NR6A1: variants seen among roughly 807,000 people sequenced by gnomAD.
NR6A1 encodes retinoic acid receptor-related testis-associated receptor.
A neutral mutation model predicts 59.1 loss-of-function variants in NR6A1; 7 were observed. That is an observed-to-expected ratio of 0.12 (90% CI 0.07 to 0.22). The LOEUF (loss-of-function observed/expected upper bound fraction) is 0.22, where lower values mean the gene tolerates loss of function less well. NR6A1 is among the 10% of genes least tolerant of loss of function. The pLI is 1.00. For synonymous variants in NR6A1, 243 were observed against 236.1 expected (o/e 1.03, Z -0.27); for missense variants, 468 against 611.6 (o/e 0.77, Z 2.48).
At chr9:124,740,615 T>C (rs1287163946) in intron 1 of NR6A1, among the ~76,000 whole-genome samples, 1 of 152,216 alleles carries the variant, frequency 6.6e-6, no homozygotes, top group African/African-American at 2.4e-5. Flanking sequence ...TCAGGACCAC[T>C]AGAACCTGAA....
rs1457702777 is a variant in NR6A1, at chr9:124,522,248, A to C, written c.*457T>G. ...AAGGCAATTTGCTCTCTGACAGACAAATGTATGAGTCTGCTGAGAAAATGT... is the reference window on the plus strand; with the variant it reads ...AAGGCAATTTGCTCTCTGACAGACACATGTATGAGTCTGCTGAGAAAATGT... On this transcript the variant is annotated 3_prime_UTR_variant, in exon 10 of 10. Transcript: ENST00000487099. 1 of 155,502 alleles carries C rather than the reference A, an allele frequency of 6.4e-6. No individual in the cohort carries two copies. The highest frequency in any genetic ancestry group is 1.4e-5 in the Non-Finnish European group (1 of 69,814). The allele number at this position is 155,502 out of a possible 1,614,324, so 9.6% of individuals were successfully genotyped here. A position where few individuals can be genotyped will look rare whatever the true frequency, so the allele number is the denominator to read the frequency against.
chr9:124,593,739 G>A (rs890994907), intron 2 of NR6A1, among the ~76,000 whole-genome samples: 6 of 152,168 alleles, frequency 3.9e-5, no homozygotes, highest in Non-Finnish European at 5.9e-5. Flanking sequence ...GCCAGGCAGG[G>A]GCTGTGCACA....
chr9:124,578,423 T>C (rs1834670123), intron 2 of NR6A1, among the ~76,000 whole-genome samples: 6 of 152,238 alleles, frequency 3.9e-5, no homozygotes, highest in Admixed American at 3.9e-4. Flanking sequence ...AGTTGTATCT[T>C]AGTAAATAAA....
intron 2 of NR6A1, among the ~76,000 whole-genome samples, chr9:124,668,086 G>A (rs1837680002): frequency 6.6e-6 from 1 of 152,068 alleles, no homozygotes; most frequent in Non-Finnish European, 1.5e-5. Flanking sequence ...GCCTACTGTT[G>A]ACCAGAAGCC....
At chr9:124,605,345 A>G (rs1588703892) in intron 2 of NR6A1, among the ~76,000 whole-genome samples, 1 of 152,322 alleles carries the variant, frequency 6.6e-6, no homozygotes, top group East Asian at 1.9e-4. Flanking sequence ...AGTGAGATCC[A>G]TCTTTACAAA....
intron 8 of NR6A1, among the ~76,000 whole-genome samples, chr9:124,526,073 G>A (rs989858429): frequency 2.0e-5 from 3 of 152,184 alleles, no homozygotes; most frequent in Admixed American, 1.3e-4. Context: ...GACACAGGAC[G>A]AGGGCACTTG....
chr9:124,770,989 C>A (rs1326549611), intron 1 of NR6A1, 31 bp downstream of exon 1: 8 of 1,177,610 alleles, frequency 6.8e-6, no homozygotes, highest in Non-Finnish European at 8.5e-6. Flanking sequence ...CGGTTCCTGC[C>A]TGGCCCGGGC....
chr9:124,771,242 T>G lies in NR6A1; in HGVS notation c.-123A>C. 1 of 494,206 alleles carries G rather than the reference T, an allele frequency of 2.0e-6. No homozygotes were observed. Among genetic ancestry groups the G allele is most frequent in the Non-Finnish European group, 3.2e-6 (1 of 314,654 alleles). The allele number at this position is 494,206 out of a possible 1,614,324, so 30.6% of individuals were successfully genotyped here. ...GAGCCCGCGAGCTCCCGGCCGCGGC[T>G]CTCTCTGGGCCCCGAGCCGCCCGGC... On this transcript the variant is annotated 5_prime_UTR_variant, in exon 1 of 10. Coordinates refer to ENST00000487099, the MANE Select transcript of NR6A1 (RefSeq NM_033334.4).
intron 4 of NR6A1, among the ~76,000 whole-genome samples, chr9:124,542,763 G>A (rs1441873832): frequency 6.6e-6 from 1 of 151,910 alleles, no homozygotes; most frequent in Non-Finnish European, 1.5e-5. Context: ...TTGCTATGTC[G>A]CCCAGGCTCG....
Position 124,743,604 on chromosome 9 carries a change from C to G in NR6A1, c.101-10255G>C, listed in dbSNP as rs115701354. Among the ~76,000 whole-genome samples the G allele has an allele frequency of 4.6e-3, 707 of 152,326 alleles. 6 individuals are homozygous for G. The highest frequency in any genetic ancestry group is 0.016 in the African/African-American group (661 of 41,568). On this transcript the variant is annotated intron_variant, in intron 1 of 9. Transcript: ENST00000487099. Reference sequence around the variant, plus strand: ...ACCTTTCATATAGTTTTTCCGGCTTCTAGCTTTGCAATTACAGCCTTGAAA... The same window carrying G: ...ACCTTTCATATAGTTTTTCCGGCTTGTAGCTTTGCAATTACAGCCTTGAAA...
intron 7 of NR6A1, 51 bp from the exon 8 acceptor site, chr9:124,526,951 C>A: frequency 6.2e-7 from 1 of 1,606,766 alleles, no homozygotes; most frequent in Non-Finnish European, 8.5e-7. Context: ...CAGTAGGGGC[C>A]AGGAAAGGGC....
intron 2 of NR6A1, among the ~76,000 whole-genome samples, chr9:124,582,533 G>GT (rs1258674027): frequency 6.6e-6 from 1 of 151,798 alleles, no homozygotes; most frequent in Admixed American, 6.6e-5. Flanking sequence ...ATTTACCTAT[G>GT]TAACAAACCA....
chr9:124,720,928 T>C (rs1006388143), intron 2 of NR6A1, among the ~76,000 whole-genome samples: 26 of 152,198 alleles, frequency 1.7e-4, no homozygotes, highest in African/African-American at 5.8e-4. Context: ...TTCCCATGTA[T>C]TCCCTTGTTA....
chr9:124,638,219 G>A (rs1045728121), intron 2 of NR6A1, among the ~76,000 whole-genome samples: 4 of 151,644 alleles, frequency 2.6e-5, no homozygotes, highest in Non-Finnish European at 5.9e-5. Flanking sequence ...TCACACCACT[G>A]CACTCCAACC....
rs1357928504 is a variant in NR6A1 at position 124,518,120 on chromosome 9, A to C, written c.*4585T>G. ...CAACTTTTGTTCTTGGGCTTGGAGC[A>C]GGCTCTGACCTTACTCACCGCCTCC... On this transcript the variant is annotated 3_prime_UTR_variant, in exon 10 of 10. Transcript: ENST00000487099. The C allele has an allele frequency of 6.6e-6, 1 of 150,490 alleles. No homozygotes were observed. The highest frequency in any genetic ancestry group is 3.2e-3 in the Middle Eastern group (1 of 316). The allele number at this position is 150,490 out of a possible 1,614,324, so 9.3% of individuals were successfully genotyped here.
intron 2 of NR6A1, among the ~76,000 whole-genome samples, chr9:124,730,941 A>G (rs1839866632): frequency 6.6e-6 from 1 of 152,220 alleles, no homozygotes; most frequent in Non-Finnish European, 1.5e-5. Flanking sequence ...TAGAGTCTAG[A>G]GAACTGGGTG....
intron 2 of NR6A1, among the ~76,000 whole-genome samples, chr9:124,718,785 T>C (rs553375125): frequency 2.0e-4 from 30 of 150,138 alleles, no homozygotes; most frequent in Admixed American, 9.4e-4. Flanking sequence ...GAGTCCCCTA[T>C]TAAACTTAAA....
At chr9:124,693,209 A>C (rs1357662371) in intron 2 of NR6A1, among the ~76,000 whole-genome samples, 1 of 152,174 alleles carries the variant, frequency 6.6e-6, no homozygotes, top group Non-Finnish European at 1.5e-5. Context: ...CAAGTGTCTC[A>C]GTTTTCTCAC....
intron 1 of NR6A1, among the ~76,000 whole-genome samples, chr9:124,746,896 T>C (rs899773160): frequency 4.6e-5 from 7 of 152,184 alleles, no homozygotes; most frequent in East Asian, 3.9e-4. Context: ...AAATCTAGCA[T>C]AGAAAATAGA....
Sources: gnomAD v4.1 joint callset for allele counts (sites outside exome capture counted in the v4.1 genomes callset) on GRCh38, gnomAD v4.1.1 for gene constraint, MANE v1.5 for transcripts, NCBI Gene and HGNC (gene_info 2026-07-23, HGNC 2026-07-21) for gene names.